Variants in SPPL2A observed in about 807,000 individuals in gnomAD.
SPPL2A encodes signal peptide peptidase-like 2A.
Under a neutral mutation model 63.8 loss-of-function variants are expected in SPPL2A, and 51 were observed. That is an observed-to-expected ratio of 0.80 (90% CI 0.64 to 1.01). The LOEUF (loss-of-function observed/expected upper bound fraction) is 1.01, where lower values mean the gene tolerates loss of function less well. SPPL2A is among the 50% of genes least tolerant of loss of function. The probability of loss-of-function intolerance (pLI) is 0.00; values close to 1 mark genes in which losing one functional copy is unlikely to be tolerated. For missense variants in SPPL2A, 553 were observed against 622.7 expected, an observed-to-expected ratio of 0.89 and a Z score of 1.19; for synonymous variants, 188 against 205.8, an observed-to-expected ratio of 0.91 and a Z score of 0.74.
In SPPL2A at chr15:50,703,356, A is replaced by ATATAT. The variant is rs1196710672; in HGVS notation, c.*4443_*4444insATATA. 4 of 62,046 alleles carry ATATAT rather than the reference A, an allele frequency of 6.4e-5. No individual in the cohort carries two copies. Among genetic ancestry groups the ATATAT allele is most frequent in the Non-Finnish European group, 1.1e-4 (4 of 35,146 alleles). 3.8% of individuals were successfully genotyped at this position (62,046 alleles called of 1,614,324 possible). A position where few individuals can be genotyped will look rare whatever the true frequency, so the allele number is the denominator to read the frequency against. On this transcript the variant is annotated 3_prime_UTR_variant, in exon 15 of 15. Coordinates refer to ENST00000261854, the MANE Select transcript of SPPL2A (RefSeq NM_032802.4). The stretch of plus-strand genomic sequence containing the variant: ...TATATATATATATATACATATATAT[A>ATATAT]TTTTTTTTTTTTTTTTTTTTTTTTG...
At chr15:50,721,058 G>A (rs2141025843) in intron 13 of SPPL2A, among the ~76,000 whole-genome samples, 1 of 151,468 alleles carries the variant, frequency 6.6e-6, no homozygotes, top group Non-Finnish European at 1.5e-5. Flanking sequence ...CTTTTTTTGA[G>A]ATGGAGCCTC....
intron 1 of SPPL2A, among the ~76,000 whole-genome samples, chr15:50,761,002 TTG>T (rs34019001): frequency 0.35 from 52,230 of 150,098 alleles, 9,461 homozygotes; most frequent in East Asian, 0.61. Context: ...ATTTTTTCAT[TTG>T]TGTGTGTGTG....
At chr15:50,730,355 T>C (rs1035718285) in intron 10 of SPPL2A, among the ~76,000 whole-genome samples, 1 of 152,148 alleles carries the variant, frequency 6.6e-6, no homozygotes, top group Non-Finnish European at 1.5e-5. Context: ...AGGGAGAGTA[T>C]GTGGCCCTGA....
Position 50,736,137 on chromosome 15 carries a change from A to C in SPPL2A, c.896T>G (p.Val299Gly). ...TCGAAACACAGCCCAAACAACAGCT[A>C]CTGCTATGCACAGTCCAGAGAGAAA... ...LIFLSGLCIA[V>G]AVVWAVFRNE... The change falls in exon 8 of 15, where the codon GTA (valine) becomes GGA (glycine). Residue 299 changes from valine to glycine, a missense_variant. Transcript: ENST00000261854. The C allele has an allele frequency of 6.2e-7, 1 of 1,612,796 alleles. No individual in the cohort carries two copies. The highest frequency in any genetic ancestry group is 8.5e-7 in the Non-Finnish European group (1 of 1,179,238).
At chr15:50,761,540 C>T (rs1394691970) in intron 1 of SPPL2A, among the ~76,000 whole-genome samples, 1 of 152,046 alleles carries the variant, frequency 6.6e-6, no homozygotes, top group Non-Finnish European at 1.5e-5. Context: ...TGCTTGTACC[C>T]GGGAAGCAGA....
chr15:50,749,962 G>A, intron 1 of SPPL2A: 1 of 561,128 alleles, frequency 1.8e-6, no homozygotes, highest in Non-Finnish European at 3.2e-6. Flanking sequence ...AAGGAAGATA[G>A]GTCACTTTCT....
intron 1 of SPPL2A, among the ~76,000 whole-genome samples, chr15:50,750,121 T>C (rs551258011): frequency 1.3e-5 from 2 of 152,346 alleles, no homozygotes; most frequent in Admixed American, 1.3e-4. Context: ...ATTTTCTTTT[T>C]GACACAGAGT....
chr15:50,765,249 G>A (rs577832130), intron 1 of SPPL2A, among the ~76,000 whole-genome samples: 3 of 151,576 alleles, frequency 2.0e-5, no homozygotes, highest in African/African-American at 7.3e-5. Context: ...GGAACCGAGT[G>A]GGGGGCGGGA....
chr15:50,731,232 T>TA (rs1290931292), intron 9 of SPPL2A, among the ~76,000 whole-genome samples, 193 bp from the exon 10 acceptor site: 2 of 152,062 alleles, frequency 1.3e-5, no homozygotes, highest in Non-Finnish European at 2.9e-5. Flanking sequence ...CTTATTTTTT[T>TA]AAAAAAAATC....
chr15:50,720,976 C>T (rs2062641757), intron 13 of SPPL2A, among the ~76,000 whole-genome samples: 1 of 152,100 alleles, frequency 6.6e-6, no homozygotes, highest in Non-Finnish European at 1.5e-5. Context: ...TTAATGAACA[C>T]TCCTATAATC....
rs1177112884 is a variant in SPPL2A, at chr15:50,731,106, T to C, written c.1015-67A>G. The C allele has an allele frequency of 8.0e-5, 55 of 690,138 alleles. 1 individual carries two copies. In the East Asian group the frequency reaches 1.5e-3, roughly 19 times the overall value. 42.8% of individuals were successfully genotyped at this position (690,138 alleles called of 1,614,324 possible). A position where few individuals can be genotyped will look rare whatever the true frequency, so the allele number is the denominator to read the frequency against. ...ATGTAAATGAAGGCATTAAATTGTT[T>C]TTCAAGTGCAAATAAATATATGAAT... On this transcript the variant is annotated intron_variant, in intron 9 of 14. Coordinates refer to ENST00000261854, the MANE Select transcript of SPPL2A (RefSeq NM_032802.4).
intron 1 of SPPL2A, among the ~76,000 whole-genome samples, chr15:50,764,351 C>T (rs1413900273): frequency 6.6e-6 from 1 of 152,132 alleles, no homozygotes; most frequent in Non-Finnish European, 1.5e-5. Flanking sequence ...CTTTTTATAT[C>T]GAACTCCCCT....
intron 14 of SPPL2A, among the ~76,000 whole-genome samples, chr15:50,716,740 T>G (rs2062602036): frequency 6.6e-6 from 1 of 152,192 alleles, no homozygotes; most frequent in African/African-American, 2.4e-5. Context: ...GTTAATCAGA[T>G]AAGTACCCCT....
At chr15:50,762,418 G>A (rs2063020393) in intron 1 of SPPL2A, among the ~76,000 whole-genome samples, 1 of 151,726 alleles carries the variant, frequency 6.6e-6, no homozygotes, top group Non-Finnish European at 1.5e-5. Flanking sequence ...TTATGGCAAG[G>A]TCAAGACACA....
intron 1 of SPPL2A, among the ~76,000 whole-genome samples, chr15:50,765,222 C>T (rs991700171): frequency 2.6e-5 from 4 of 151,174 alleles, no homozygotes; most frequent in African/African-American, 9.8e-5. Context: ...AGGTATTTCG[C>T]CAGACTTCAA....
chr15:50,720,583 G>T (rs113675795), intron 13 of SPPL2A, among the ~76,000 whole-genome samples: 1 of 142,090 alleles, frequency 7.0e-6, no homozygotes, highest in Non-Finnish European at 1.5e-5. Context: ...GCAATGGCAC[G>T]ATCTCAGCTC....
intron 10 of SPPL2A, among the ~76,000 whole-genome samples, chr15:50,728,067 A>G (rs75964827): frequency 0.017 from 2,576 of 152,340 alleles, 29 homozygotes; most frequent in African/African-American, 0.03. Context: ...ATGGAATGCA[A>G]ACAGTTTGCT....
chr15:50,740,053 T>G (rs2141043552), intron 5 of SPPL2A, among the ~76,000 whole-genome samples: 2 of 152,294 alleles, frequency 1.3e-5, no homozygotes, highest in Non-Finnish European at 2.9e-5. Context: ...AGTAAAAACC[T>G]CTTAAATGCT....
chr15:50,747,358 A>G, intron 5 of SPPL2A, 137 bp downstream of exon 5: 1 of 701,986 alleles, frequency 1.4e-6, no homozygotes, highest in Non-Finnish European at 2.5e-6. Flanking sequence ...GATCTACATG[A>G]GGACAAACCT....
Sources: allele counts gnomAD v4.1 joint callset (sites outside exome capture counted in the v4.1 genomes callset), GRCh38; gene constraint gnomAD v4.1.1; transcripts MANE v1.5; gene names NCBI Gene and HGNC (gene_info 2026-07-23, HGNC 2026-07-21).